CAMTA1: variants seen among roughly 807,000 people sequenced by gnomAD.
CAMTA1 encodes calmodulin-binding transcription activator 1.
Under a neutral mutation model 170.9 loss-of-function variants are expected in CAMTA1, and 27 were observed. That is an observed-to-expected ratio of 0.16 (90% confidence interval 0.12 to 0.22). The LOEUF (loss-of-function observed/expected upper bound fraction) is 0.22, where lower values mean the gene tolerates loss of function less well. Ranked by LOEUF, CAMTA1 falls within the 10% of genes least tolerant of loss-of-function variation. CAMTA1 has a pLI of 1.00. For missense variants in CAMTA1, 1,619 were observed against 2,217.2 expected (o/e 0.73, Z 5.42); for synonymous variants, 833 against 891.5 (o/e 0.93, Z 1.17).
intron 3 of CAMTA1, among the ~76,000 whole-genome samples, chr1:6,919,655 G>T (rs1255258130): frequency 6.6e-6 from 1 of 152,160 alleles, no homozygotes; most frequent in African/African-American, 2.4e-5. Context: ...ACATACCGAA[G>T]ACTGGGCAAT....
intron 4 of CAMTA1, among the ~76,000 whole-genome samples, chr1:7,137,802 C>G (rs973437650): frequency 6.6e-6 from 1 of 152,156 alleles, no homozygotes. Context: ...CTACAAAGAA[C>G]AGGACCCCTG....
In CAMTA1 at chr1:7,663,539, C is replaced by T; in HGVS notation, c.992C>T (p.Ala331Val). ...SSREKRNGKV[A>V]KPVLLHQSST... ...CGTGAGAAGAGGAACGGCAAGGTGG[C>T]CAAGCCCGTGCTCCTGCACCAGAGC... Residue 331 changes from alanine to valine, a missense_variant, in exon 9 of 23, where the codon GCC (alanine) becomes GTC (valine). By Grantham distance (64) the Ala-to-Val change is moderately conservative. Transcript: ENST00000303635. 1 of 1,605,830 alleles carries T rather than the reference C, an allele frequency of 6.2e-7. No individual in the cohort carries two copies. Among genetic ancestry groups the T allele is most frequent in the Non-Finnish European group, 8.5e-7 (1 of 1,173,372 alleles).
At position 7,640,529 on chromosome 1, in the gene CAMTA1, C is replaced by T. The variant is rs563685889; in HGVS notation, c.640C>T (p.Leu214Phe). 1.2e-6 allele frequency: 2 copies of T among 1,614,238 alleles called. No homozygotes were observed. The highest frequency in any genetic ancestry group is 1.3e-5 in the African/African-American group (1 of 75,070). ...KEWAKWTKEE[L>F]IGQLKPMFHG... ...GTGGGCGAAATGGACGAAAGAAGAG[C>T]TCATCGGGCAGCTGAAACCCATGTG... is the stretch of plus-strand genomic sequence containing the variant. Residue 214 changes from leucine to phenylalanine, a missense_variant, in exon 7 of 23, where the codon CTC becomes TTC. Physicochemically the swap from Leu to Phe is conservative, Grantham distance 22 (BLOSUM62 0). Transcript: ENST00000303635.
chr1:7,350,054 T>C (rs1323381587), intron 5 of CAMTA1, among the ~76,000 whole-genome samples: 1 of 152,148 alleles, frequency 6.6e-6, no homozygotes, highest in African/African-American at 2.4e-5. Context: ...ACTTTACAAG[T>C]ATCTCACCTA....
intron 3 of CAMTA1, among the ~76,000 whole-genome samples, chr1:7,013,313 G>A (rs1700091581): frequency 6.9e-6 from 1 of 145,446 alleles, no homozygotes; most frequent in African/African-American, 2.6e-5. Context: ...TGCCTCCCAG[G>A]TTCGAGATTC....
intron 11 of CAMTA1, among the ~76,000 whole-genome samples, chr1:7,697,639 G>A (rs1310660874): frequency 2.0e-5 from 3 of 152,208 alleles, no homozygotes; most frequent in Non-Finnish European, 2.9e-5. Context: ...GAATGGATGG[G>A]CCTGTGTCAG....
At chr1:7,302,536 G>A (rs747165622) in intron 5 of CAMTA1, among the ~76,000 whole-genome samples, 5 of 152,272 alleles carry the variant, frequency 3.3e-5, no homozygotes, top group South Asian at 2.1e-4. Flanking sequence ...TTTACACACC[G>A]CTAAATTATA....
intron 1 of CAMTA1, among the ~76,000 whole-genome samples, chr1:6,794,652 G>A (rs1641994514): frequency 6.6e-6 from 1 of 152,066 alleles, no homozygotes; most frequent in African/African-American, 2.4e-5. Flanking sequence ...TAAATTCCCT[G>A]GGAAACATTA....
At chr1:7,145,100 G>C (rs573594038) in intron 4 of CAMTA1, among the ~76,000 whole-genome samples, 1 of 152,214 alleles carries the variant, frequency 6.6e-6, no homozygotes, top group Non-Finnish European at 1.5e-5. Flanking sequence ...TCTTTCAGGG[G>C]ACGAGGGGCA....
intron 5 of CAMTA1, among the ~76,000 whole-genome samples, chr1:7,345,430 G>T (rs1253842444): frequency 6.6e-6 from 1 of 152,226 alleles, no homozygotes; most frequent in East Asian, 1.9e-4. Context: ...AACCAGTGCT[G>T]CCAACTCCTT....
intron 1 of CAMTA1, among the ~76,000 whole-genome samples, chr1:6,797,537 C>T: frequency 6.6e-6 from 1 of 151,642 alleles, no homozygotes; most frequent in East Asian, 1.9e-4. Flanking sequence ...ATGCATGCAC[C>T]ACCACGCCTA....
intron 6 of CAMTA1, among the ~76,000 whole-genome samples, chr1:7,480,805 A>C (rs978542210): frequency 6.6e-6 from 1 of 152,106 alleles, no homozygotes; most frequent in Non-Finnish European, 1.5e-5. Context: ...CCCAGTGCCA[A>C]CTGTATGCTA....
Position 7,300,268 on chromosome 1 carries a change from C to T in CAMTA1, c.438+50642C>T, listed in dbSNP as rs1674567771. On this transcript the variant is annotated intron_variant, in intron 5 of 22. Coordinates refer to ENST00000303635, the MANE Select transcript of CAMTA1 (RefSeq NM_015215.4). This position sits in a 1 kb window ranked among gnomAD's most constrained non-coding sequence, Gnocchi z 4.1. ...TCCCCTAGACCCTGGCACAGAATCA[C>T]CCTGGTCCCCACTCTGGTCCTCCCT... Among the ~76,000 whole-genome samples, 2 of 152,198 alleles carry T rather than the reference C, an allele frequency of 1.3e-5. No individual in the cohort carries two copies. Among genetic ancestry groups the T allele is most frequent in the South Asian group, 4.1e-4 (2 of 4,826 alleles).
chr1:7,250,923 G>A (rs566356915), intron 5 of CAMTA1, among the ~76,000 whole-genome samples: 4 of 152,308 alleles, frequency 2.6e-5, no homozygotes, highest in Non-Finnish European at 5.9e-5. Flanking sequence ...GACGGTGACC[G>A]CTGATCGTAC....
chr1:7,687,626 C>T lies in CAMTA1; in HGVS notation c.2914+9893C>T, dbSNP rs556581715. Among the ~76,000 whole-genome samples, 3 of 152,288 alleles carry T rather than the reference C, an allele frequency of 2.0e-5. No homozygotes were observed. The South Asian group carries it at 6.2e-4, about 32-fold the overall frequency. ...GCTCGTTCAGCAGAAGGCAAGGCCC[C>T]GTCCCCTGCTTTTCCCATCTTGCAC... is the stretch of plus-strand genomic sequence containing the variant. On this transcript the variant is annotated intron_variant, in intron 11 of 22. Transcript: ENST00000303635.
chr1:7,395,986 T>C (rs1254695605), intron 5 of CAMTA1, among the ~76,000 whole-genome samples: 2 of 152,318 alleles, frequency 1.3e-5, no homozygotes, highest in East Asian at 3.9e-4. Flanking sequence ...GGGTTTTCTT[T>C]ATATAAGATC....
At chr1:7,059,990 G>A (rs994739675) in intron 3 of CAMTA1, among the ~76,000 whole-genome samples, 22 of 152,254 alleles carry the variant, frequency 1.4e-4, no homozygotes, top group Middle Eastern at 3.4e-3. Context: ...CCCCAGCCTG[G>A]GCAGCCGCCA....
chr1:7,326,602 G>A (rs1438918526), intron 5 of CAMTA1, among the ~76,000 whole-genome samples: 1 of 152,174 alleles, frequency 6.6e-6, no homozygotes, highest in Non-Finnish European at 1.5e-5. Flanking sequence ...GGCAGAGAGT[G>A]GAATGATGCA....
At chr1:7,465,844 A>C (rs1251733382) in intron 5 of CAMTA1, among the ~76,000 whole-genome samples, 1 of 152,196 alleles carries the variant, frequency 6.6e-6, no homozygotes, top group Admixed American at 6.5e-5. Flanking sequence ...TCGAGGGAGA[A>C]GTGATGGTGA....
Sources: allele counts gnomAD v4.1 joint callset (sites outside exome capture counted in the v4.1 genomes callset), GRCh38; gene constraint gnomAD v4.1.1; non-coding constraint Gnocchi (gnomAD v3.1); transcripts MANE v1.5; gene names NCBI Gene and HGNC (gene_info 2026-07-23, HGNC 2026-07-21).